Variants in SYTL3 observed in about 807,000 individuals in gnomAD.
SYTL3 encodes the protein synaptotagmin like 3.
A neutral mutation model predicts 82.1 loss-of-function variants in SYTL3; 88 were observed. That is an observed-to-expected ratio of 1.07 (90% CI 0.90 to 1.28). The LOEUF is 1.28. Among genes scored for constraint, SYTL3 ranks in the 50% most tolerant of loss-of-function variants. The pLI, the probability that SYTL3 is intolerant of heterozygous loss-of-function variation, is 0.00. For missense variants in SYTL3, 831 were observed against 757.6 expected, an observed-to-expected ratio of 1.10 and a Z score of -1.14; for synonymous variants, 311 against 289.4, an observed-to-expected ratio of 1.07 and a Z score of -0.76.
intron 11 of SYTL3, among the ~76,000 whole-genome samples, chr6:158,733,817 G>A (rs113489866): frequency 0.02 from 3,026 of 151,468 alleles, 109 homozygotes; most frequent in African/African-American, 0.069. Context: ...CACCCTTTTG[G>A]CCGGGCGCGG....
In SYTL3 at chr6:158,665,708, C is replaced by T. The variant is rs1789969186; in HGVS notation, c.329+95C>T. 1.2e-5 allele frequency: 11 copies of T among 898,356 alleles called. No homozygotes were observed. The South Asian group carries it at 1.7e-4, about 14-fold the overall frequency. 55.6% of individuals were successfully genotyped at this position (898,356 alleles called of 1,614,324 possible). On this transcript the variant is annotated intron_variant, in intron 5 of 17. Coordinates refer to ENST00000611299, the MANE Select transcript of SYTL3 (RefSeq NM_001242394.2). Reference sequence around the variant, plus strand: ...TCATAAAGAGAGCACTCACTCCTCACCTTCAGCCAGTAAATGTGTACCGAG... The same window carrying T: ...TCATAAAGAGAGCACTCACTCCTCATCTTCAGCCAGTAAATGTGTACCGAG...
At chr6:158,748,775 G>A (rs1357528335) in intron 12 of SYTL3, among the ~76,000 whole-genome samples, 13 of 151,578 alleles carry the variant, frequency 8.6e-5, no homozygotes, top group African/African-American at 3.2e-4. Context: ...AACCAGGGAG[G>A]TAGACGTTGC....
At chr6:158,750,305 G>A (rs1194153240) in intron 12 of SYTL3, among the ~76,000 whole-genome samples, 1 of 152,158 alleles carries the variant, frequency 6.6e-6, no homozygotes, top group Non-Finnish European at 1.5e-5. Context: ...GTTACGGGCA[G>A]GACTGTGATA....
intron 2 of SYTL3, among the ~76,000 whole-genome samples, chr6:158,655,999 G>A (rs752276329): frequency 6.6e-6 from 1 of 152,190 alleles, no homozygotes; most frequent in African/African-American, 2.4e-5. Context: ...TGGGAGTGGC[G>A]AGCATTCTGT....
At chr6:158,708,207 TAA>T in intron 7 of SYTL3, 113 bp from the exon 8 acceptor site, 2 of 982,984 alleles carry the variant, frequency 2.0e-6, no homozygotes, top group Non-Finnish European at 3.2e-6. Context: ...TGAGGCAGTT[TAA>T]AAAAAAGGCG....
At chr6:158,756,012 A>G (rs1789011183) in intron 13 of SYTL3, among the ~76,000 whole-genome samples, 1 of 151,918 alleles carries the variant, frequency 6.6e-6, no homozygotes, top group Non-Finnish European at 1.5e-5. Flanking sequence ...TGTGAAAGCT[A>G]AAAAGATCAA....
chr6:158,679,717 G>T (rs577905337), intron 5 of SYTL3, among the ~76,000 whole-genome samples: 1 of 152,164 alleles, frequency 6.6e-6, no homozygotes, highest in Non-Finnish European at 1.5e-5. Flanking sequence ...GATGATTCGC[G>T]CTGGGTGACT....
At chr6:158,695,940 T>G (rs1157139418) in intron 6 of SYTL3, among the ~76,000 whole-genome samples, 1 of 152,246 alleles carries the variant, frequency 6.6e-6, no homozygotes, top group African/African-American at 2.4e-5. Context: ...TGATGGACAT[T>G]TGGGTTGTTT....
intron 6 of SYTL3, among the ~76,000 whole-genome samples, chr6:158,683,215 CTTTTTTTTTTT>C (rs35183958): frequency 1.1e-5 from 1 of 92,112 alleles, no homozygotes; most frequent in Non-Finnish European, 2.0e-5. Context: ...GGCCCTATTC[CTTTTTTTTTTT>C]TTTTTTTTTT....
intron 6 of SYTL3, among the ~76,000 whole-genome samples, chr6:158,689,517 AAG>A (rs1779635012): frequency 6.6e-6 from 1 of 152,186 alleles, no homozygotes; most frequent in Non-Finnish European, 1.5e-5. Flanking sequence ...TTTTAACACA[AAG>A]AAGTTTTTTG....
chr6:158,743,689 G>T (rs1056498819), intron 11 of SYTL3, among the ~76,000 whole-genome samples: 3 of 132,816 alleles, frequency 2.3e-5, no homozygotes, highest in East Asian at 2.4e-4. Context: ...CAAGTGATCC[G>T]CCTGCCTCTG....
chr6:158,745,379 C>T, intron 11 of SYTL3, 101 bp from the exon 12 acceptor site: 1 of 1,018,166 alleles, frequency 9.8e-7, no homozygotes, highest in Non-Finnish European at 1.4e-6. Context: ...AGTCAGGATA[C>T]ATGCTGTATG....
chr6:158,687,170 A>G (rs1391581353), intron 6 of SYTL3, among the ~76,000 whole-genome samples: 4 of 152,216 alleles, frequency 2.6e-5, no homozygotes, highest in Non-Finnish European at 5.9e-5. Flanking sequence ...ACATAAATCA[A>G]GTAACATTCT....
intron 14 of SYTL3, 23 bp from the exon 15 acceptor site, chr6:158,760,617 T>A: frequency 6.2e-7 from 1 of 1,603,524 alleles, no homozygotes; most frequent in African/African-American, 1.3e-5. Flanking sequence ...ATCCTGTCCC[T>A]AAGCTCTGCC....
At position 158,718,196 on chromosome 6, in the gene SYTL3, CA is replaced by C; in HGVS notation, c.707del (p.Asn236ThrfsTer13). 2 of 1,538,302 alleles carry C rather than the reference CA, an allele frequency of 1.3e-6. No individual in the cohort carries two copies. Among genetic ancestry groups the C allele is most frequent in the Middle Eastern group, 3.4e-4 (2 of 5,922 alleles). On this transcript the variant is annotated frameshift_variant, in exon 10 of 18. Transcript: ENST00000611299. LOFTEE classifies it high-confidence loss of function. ...GACGGAGCCAGTCTGACACTGCGGT[CA>C]ACGTCACCACCAGGGTACCCTGAGC... ...ERRSQSDTAVNVTTRKVSAPD... is the reference protein window; with the variant it reads ...ERRSQSDTAVXVTTRKVSAPD...
chr6:158,725,350 T>C (rs1488801340), intron 10 of SYTL3, among the ~76,000 whole-genome samples, 153 bp from the exon 11 acceptor site: 1 of 152,176 alleles, frequency 6.6e-6, no homozygotes, highest in African/African-American at 2.4e-5. Flanking sequence ...TGTGCGCACG[T>C]GCACGCATTT....
At chr6:158,743,249 G>A (rs1363086014) in intron 11 of SYTL3, among the ~76,000 whole-genome samples, 2 of 152,198 alleles carry the variant, frequency 1.3e-5, no homozygotes. Context: ...CTTATGCCTT[G>A]AAGTGAAAGG....
chr6:158,665,661 A>G, intron 5 of SYTL3, 48 bp downstream of exon 5: 3 of 1,416,072 alleles, frequency 2.1e-6, no homozygotes, highest in Non-Finnish European at 2.9e-6. Context: ...CAGGTCTCGG[A>G]GGAGGCCTCT....
intron 14 of SYTL3, among the ~76,000 whole-genome samples, chr6:158,759,644 G>C (rs377050578): frequency 1.6e-4 from 25 of 152,296 alleles, no homozygotes; most frequent in African/African-American, 6.0e-4. Flanking sequence ...GTGATTCTCT[G>C]CCTCAGCCTC....
Sources: gnomAD v4.1 joint callset for allele counts (sites outside exome capture counted in the v4.1 genomes callset) on GRCh38, gnomAD v4.1.1 for gene constraint, MANE v1.5 for transcripts, NCBI Gene and HGNC (gene_info 2026-07-23, HGNC 2026-07-21) for gene names.